MARCO: variants seen among roughly 807,000 people sequenced by gnomAD.
The protein encoded by MARCO is macrophage receptor with collagenous structure.
MARCO carries 72 observed loss-of-function variants against 70.0 expected under a neutral mutation model. The observed-to-expected ratio is 1.03, with a 90% CI of 0.85 to 1.25. MARCO has a LOEUF of 1.25. Ranked by LOEUF, MARCO falls within the 50% of genes most tolerant of loss-of-function variation. The pLI is 0.00. For missense variants in MARCO, 696 were observed against 659.3 expected (o/e 1.06, Z -0.61); for synonymous variants, 273 against 243.1 (o/e 1.12, Z -1.14).
chr2:118,986,588 A>G (rs1680490101), intron 12 of MARCO, among the ~76,000 whole-genome samples: 3 of 8,054 alleles, frequency 3.7e-4, no homozygotes, highest in African/African-American at 1.9e-3. Flanking sequence ...GAAGGAAAGA[A>G]GAAAGAAAGA....
intron 4 of MARCO, 94 bp downstream of exon 4, chr2:118,971,628 G>C: frequency 7.7e-7 from 1 of 1,290,864 alleles, no homozygotes; most frequent in Admixed American, 2.0e-5. Context: ...CTGGACAGCT[G>C]ACCCTAGCTT....
intron 1 of MARCO, among the ~76,000 whole-genome samples, chr2:118,965,537 T>A (rs1237802475): frequency 6.6e-6 from 1 of 152,252 alleles, no homozygotes; most frequent in Non-Finnish European, 1.5e-5. Flanking sequence ...ATCTGTGTCA[T>A]CTCAATGCTG....
chr2:118,970,284 C>T lies in MARCO; in HGVS notation c.370C>T (p.Arg124Cys), dbSNP rs147253749. The T allele has an allele frequency of 3.2e-5, 51 of 1,613,924 alleles. No individual in the cohort carries two copies. The highest frequency in any genetic ancestry group is 4.2e-5 in the Non-Finnish European group (50 of 1,180,020). ...QVLQAQLTWV[R>C]VSHEHLLQRV... ...CCTGCAGGCCCAACTCACCTGGGTC[C>T]GCGTCAGCCATGAGCACTTGCTGCA... The change falls in exon 3 of 17, where the codon CGC becomes TGC. Residue 124 changes from arginine to cysteine, a missense_variant. Transcript: ENST00000327097.
chr2:118,984,068 T>C (rs1018944711), intron 12 of MARCO, among the ~76,000 whole-genome samples: 1 of 152,152 alleles, frequency 6.6e-6, no homozygotes, highest in Admixed American at 6.5e-5. Flanking sequence ...AAACAGCCAT[T>C]AAGAGATGCA....
chr2:118,990,373 T>C (rs1249759734), intron 12 of MARCO, among the ~76,000 whole-genome samples: 1 of 152,184 alleles, frequency 6.6e-6, no homozygotes, highest in African/African-American at 2.4e-5. Flanking sequence ...TTTCATCCAG[T>C]ACTTTGCCGT....
At chr2:118,971,590 G>A (rs992857404) in intron 4 of MARCO, 56 bp downstream of exon 4, 1 of 1,587,348 alleles carries the variant, frequency 6.3e-7, no homozygotes, top group Non-Finnish European at 8.6e-7. Context: ...CTCCCCAAAA[G>A]GGCCCCTTGG....
In MARCO at chr2:118,993,201, G is replaced by A; in HGVS notation, c.1330G>A (p.Gly444Arg). ...TGAAGTTTACTACAGTGGTACCTGG[G>A]GGACAATTTGCGATGACGAGTGGCA... The part of the protein sequence containing the change: ...RAEVYYSGTW[G>R]TICDDEWQNS... Residue 444 changes from glycine to arginine, a missense_variant, in exon 16 of 17, where the codon GGG (glycine) becomes AGG (arginine). Gly to Arg is a moderately radical substitution (Grantham distance 125). Around this residue, in one of 3 missense-constraint regions of MARCO, gnomAD observed 33 missense variants for 59.6 expected, o/e 0.55. Coordinates refer to ENST00000327097, the MANE Select transcript of MARCO (RefSeq NM_006770.4). The A allele has an allele frequency of 6.2e-7, 1 of 1,614,176 alleles. No homozygotes were observed. Among genetic ancestry groups the A allele is most frequent in the East Asian group, 2.2e-5 (1 of 44,872 alleles).
intron 4 of MARCO, among the ~76,000 whole-genome samples, chr2:118,973,246 A>G (rs58543408): frequency 0.14 from 21,283 of 151,044 alleles, 2,120 homozygotes; most frequent in East Asian, 0.49. Context: ...ATATAGATGT[A>G]TGTACATAGA....
Position 118,945,677 on chromosome 2 carries a change from T to C in MARCO, c.97+3280T>C, listed in dbSNP as rs180822240. Among the ~76,000 whole-genome samples, 282 of 152,210 alleles carry C rather than the reference T, an allele frequency of 1.9e-3. 1 individual carries two copies. Among genetic ancestry groups the C allele is most frequent in the African/African-American group, 6.3e-3 (261 of 41,526 alleles). Reference sequence around the variant, plus strand: ...ATCCGCCCCCCTTGGCCTCCCAAAGTGCTGGAATTACAGGCATGAGCCACC... The same window carrying C: ...ATCCGCCCCCCTTGGCCTCCCAAAGCGCTGGAATTACAGGCATGAGCCACC... On this transcript the variant is annotated intron_variant, in intron 1 of 16. Coordinates refer to ENST00000327097, the MANE Select transcript of MARCO (RefSeq NM_006770.4).
chr2:118,980,659 C>T (rs1558669202), intron 8 of MARCO, among the ~76,000 whole-genome samples: 2 of 152,280 alleles, frequency 1.3e-5, no homozygotes, highest in East Asian at 3.9e-4. Context: ...CCCCACTCTA[C>T]CCACCCCCAG....
At chr2:118,968,192 C>T (rs953078740) in intron 1 of MARCO, among the ~76,000 whole-genome samples, 1 of 152,188 alleles carries the variant, frequency 6.6e-6, no homozygotes, top group Non-Finnish European at 1.5e-5. Context: ...CCCTTTAATA[C>T]CCCTAAACAA....
intron 1 of MARCO, chr2:118,949,551 G>A (rs1423438503): frequency 6.6e-6 from 1 of 152,170 alleles, no homozygotes; most frequent in African/African-American, 2.4e-5. Context: ...AGTGACTTCT[G>A]CTCCTAAACC....
Position 118,970,109 on chromosome 2 carries a change from C to T in MARCO, c.200-5C>T. The T allele has an allele frequency of 6.2e-7, 1 of 1,612,842 alleles. No homozygotes were observed. The highest frequency in any genetic ancestry group is 8.5e-7 in the Non-Finnish European group (1 of 1,179,122). On this transcript the variant is annotated splice_region_variant and splice_polypyrimidine_tract_variant and intron_variant, in intron 2 of 16. Transcript: ENST00000327097. The stretch of plus-strand genomic sequence containing the variant: ...CCTAAAAGAATGCTGTGGGGTGGGG[C>T]CCAGTTCTGAATCTGCAGGCGCGGC...
chr2:118,954,868 A>G (rs12711916), intron 1 of MARCO, among the ~76,000 whole-genome samples: 55,291 of 151,908 alleles, frequency 0.36, 12,168 homozygotes, highest in African/African-American at 0.6. Flanking sequence ...GGAAAACAGG[A>G]AGAATACTAC....
chr2:118,975,515 A>T (rs1473466469), intron 6 of MARCO, among the ~76,000 whole-genome samples: 1 of 152,220 alleles, frequency 6.6e-6, no homozygotes, highest in Non-Finnish European at 1.5e-5. Flanking sequence ...GGGACCCCAA[A>T]GAGCCTATTG....
intron 1 of MARCO, among the ~76,000 whole-genome samples, chr2:118,960,402 T>C (rs1558832993): frequency 6.6e-6 from 1 of 152,108 alleles, no homozygotes; most frequent in Non-Finnish European, 1.5e-5. Flanking sequence ...AGATAGTTTG[T>C]AGATGCAGTT....
chr2:118,955,236 A>G (rs1364801968), intron 1 of MARCO, among the ~76,000 whole-genome samples: 2 of 151,610 alleles, frequency 1.3e-5, no homozygotes, highest in African/African-American at 4.9e-5. Flanking sequence ...TACTCAAGAA[A>G]ATAGATAGTT....
At chr2:118,986,774 G>T (rs191694418) in intron 12 of MARCO, among the ~76,000 whole-genome samples, 1 of 151,840 alleles carries the variant, frequency 6.6e-6, no homozygotes, top group East Asian at 1.9e-4. Flanking sequence ...AGAAAGAAAA[G>T]AAAGAGTGTG....
At chr2:118,971,464 C>T in intron 3 of MARCO, 35 bp from the exon 4 acceptor site, 1 of 1,612,342 alleles carries the variant, frequency 6.2e-7, no homozygotes, top group South Asian at 1.1e-5. Flanking sequence ...GGGTACCCCA[C>T]AGCTCAGCTG....
Sources: gnomAD v4.1 joint callset for allele counts (sites outside exome capture counted in the v4.1 genomes callset) on GRCh38, gnomAD v4.1.1 for gene constraint, gnomAD v4.1.1 regional missense constraint, MANE v1.5 for transcripts, NCBI Gene and HGNC (gene_info 2026-07-23, HGNC 2026-07-21) for gene names.